The following INSC variants were observed in gnomAD, a reference collection of about 807,000 sequenced individuals.
INSC encodes protein inscuteable homolog.
Under a neutral mutation model 58.6 loss-of-function variants are expected in INSC, and 67 were observed. That is an observed-to-expected ratio of 1.14 (90% CI 0.94 to 1.40). INSC has a LOEUF of 1.40. INSC is among the 40% of genes most tolerant of loss of function. INSC has a pLI of 0.00. For missense variants in INSC, 714 were observed against 692.0 expected (o/e 1.03, Z -0.36); for synonymous variants, 262 against 276.1 (o/e 0.95, Z 0.51).
At chr11:15,114,543 G>C (rs540648126), upstream of INSC, among the ~76,000 whole-genome samples, 20 of 152,294 alleles carry the variant, frequency 1.3e-4, no homozygotes, top group African/African-American at 4.6e-4. Context: ...CCCCTCTCCA[G>C]ATGTTGGCAT....
intron 12 of INSC, among the ~76,000 whole-genome samples, chr11:15,244,213 C>T (rs920863043): frequency 3.9e-5 from 6 of 152,238 alleles, no homozygotes; most frequent in Middle Eastern, 3.4e-3. Flanking sequence ...TTATCTTTCC[C>T]AGTTGGAGCC....
At chr11:15,163,157 C>T (rs776430236) in intron 2 of INSC, among the ~76,000 whole-genome samples, 2 of 152,196 alleles carry the variant, frequency 1.3e-5, no homozygotes, top group Non-Finnish European at 2.9e-5. Flanking sequence ...AAATCACTGG[C>T]TCACACTTTA....
Position 15,176,120 on chromosome 11 carries a change from T to C in INSC, c.402+34T>C, listed in dbSNP as rs189773148. ...CCCTGGGATAGGAGTGGGCGGGAAC[T>C]GGAAGTCAGGGTGCTTTAGAGAAGA... is the stretch of plus-strand genomic sequence containing the variant. On this transcript the variant is annotated intron_variant, in intron 3 of 12. Transcript: ENST00000379556. The C allele has an allele frequency of 4.0e-4, 577 of 1,460,712 alleles. 4 individuals carry two copies. The African/African-American group carries it at 7.0e-3, about 18-fold the overall frequency. 90.5% of individuals were successfully genotyped at this position (1,460,712 alleles called of 1,614,324 possible).
At chr11:15,215,355 AC>A (rs1340291663) in intron 7 of INSC, among the ~76,000 whole-genome samples, 1 of 152,204 alleles carries the variant, frequency 6.6e-6, no homozygotes, top group African/African-American at 2.4e-5. Flanking sequence ...GGGGATGCAG[AC>A]TTTCCTAAAA....
chr11:15,257,142 A>G, the INSC span, among the ~76,000 whole-genome samples: 1 of 152,228 alleles, frequency 6.6e-6, no homozygotes, highest in Non-Finnish European at 1.5e-5. Flanking sequence ...AAGATCAAAA[A>G]GTTCAGTTAA....
chr11:15,180,743 T>C (rs1849750701), intron 5 of INSC, among the ~76,000 whole-genome samples: 1 of 151,222 alleles, frequency 6.6e-6, no homozygotes, highest in African/African-American at 2.4e-5. Flanking sequence ...ATCTGCATAT[T>C]AGTTTTCTTC....
At chr11:15,169,416 G>A (rs765266777) in intron 2 of INSC, among the ~76,000 whole-genome samples, 1 of 152,210 alleles carries the variant, frequency 6.6e-6, no homozygotes, top group Non-Finnish European at 1.5e-5. Flanking sequence ...TGGCTCTTTA[G>A]CCAGGTTTCA....
At chr11:15,197,777 C>A (rs1053004168) in intron 6 of INSC, among the ~76,000 whole-genome samples, 1 of 152,186 alleles carries the variant, frequency 6.6e-6, no homozygotes, top group Admixed American at 6.5e-5. Flanking sequence ...AAATTATCCC[C>A]CCCACCAATA....
chr11:15,162,225 G>A (rs1332761555), intron 2 of INSC, among the ~76,000 whole-genome samples: 1 of 152,124 alleles, frequency 6.6e-6, no homozygotes, highest in Non-Finnish European at 1.5e-5. Flanking sequence ...ATGTGATCTG[G>A]CCTAATCCCT....
chr11:15,143,469 C>T (rs1054318961), intron 1 of INSC, among the ~76,000 whole-genome samples: 8 of 152,056 alleles, frequency 5.3e-5, no homozygotes, highest in Middle Eastern at 3.4e-3. Context: ...CAGCAGCTGG[C>T]GTGGCTGCAA....
chr11:15,261,125 C>G, the INSC span, among the ~76,000 whole-genome samples: 1 of 152,216 alleles, frequency 6.6e-6, no homozygotes, highest in Non-Finnish European at 1.5e-5. Flanking sequence ...AGACTGAGAA[C>G]TTGGCTTGTG....
chr11:15,268,063 G>A, the INSC span, among the ~76,000 whole-genome samples: 1 of 151,862 alleles, frequency 6.6e-6, no homozygotes, highest in Non-Finnish European at 1.5e-5. Context: ...CCACCTCCTT[G>A]CACTGTAGCC....
Position 15,115,682 on chromosome 11 carries a change from G to A in INSC, c.-46+679G>A, listed in dbSNP as rs2133669873. On this transcript the variant is annotated intron_variant, in intron 1 of 12. Transcript: ENST00000379556. ...AGGCCAGGGGATGAGTGGACCATATGGCCATGGCCACCCACAAACACTCGC... is the reference window on the plus strand; with the variant it reads ...AGGCCAGGGGATGAGTGGACCATATAGCCATGGCCACCCACAAACACTCGC... Among the ~76,000 whole-genome samples, 2 of 152,242 alleles carry A rather than the reference G, an allele frequency of 1.3e-5. 1 individual carries two copies. The highest frequency in any genetic ancestry group is 3.9e-4 in the East Asian group (2 of 5,174).
chr11:15,183,351 C>CAAAA (rs66894801), intron 5 of INSC, among the ~76,000 whole-genome samples: 1,026 of 80,702 alleles, frequency 0.013, 15 homozygotes, highest in African/African-American at 0.044. Context: ...AACTCCATCT[C>CAAAA]AAAAAAAAAA....
At chr11:15,242,225 A>T (rs957626409) in intron 12 of INSC, among the ~76,000 whole-genome samples, 5 of 152,248 alleles carry the variant, frequency 3.3e-5, no homozygotes, top group African/African-American at 1.2e-4. Context: ...TTGGGAAACT[A>T]TAAAACTCCA....
At chr11:15,170,896 C>G (rs1849374421) in intron 2 of INSC, among the ~76,000 whole-genome samples, 1 of 152,208 alleles carries the variant, frequency 6.6e-6, no homozygotes, top group African/African-American at 2.4e-5. Flanking sequence ...TAGGCACAAA[C>G]ACGCAGGGCT....
chr11:15,229,911 T>G (rs1851780861), intron 9 of INSC, among the ~76,000 whole-genome samples: 1 of 118,878 alleles, frequency 8.4e-6, no homozygotes, highest in South Asian at 2.4e-4. Flanking sequence ...CATTTTTATA[T>G]ATATATAAAT....
chr11:15,220,528 G>A (rs980424148), intron 7 of INSC, among the ~76,000 whole-genome samples: 7 of 152,304 alleles, frequency 4.6e-5, no homozygotes, highest in African/African-American at 1.7e-4. Context: ...CAAAACCTGG[G>A]CTTTGACACC....
At chr11:15,199,722 G>A (rs190090431) in intron 6 of INSC, among the ~76,000 whole-genome samples, 6 of 152,276 alleles carry the variant, frequency 3.9e-5, no homozygotes, top group African/African-American at 1.2e-4. Context: ...GGTTAAAGGC[G>A]AGTGCCCTGA....
Sources: gnomAD v4.1 joint callset for allele counts (sites outside exome capture counted in the v4.1 genomes callset) on GRCh38, gnomAD v4.1.1 for gene constraint, MANE v1.5 for transcripts, NCBI Gene and HGNC (gene_info 2026-07-23, HGNC 2026-07-21) for gene names.